Variants in PTPRN2 observed in about 807,000 individuals in gnomAD.
PTPRN2 encodes the protein receptor-type tyrosine-protein phosphatase N2.
PTPRN2 carries 74 observed loss-of-function variants against 118.8 expected under a neutral mutation model. That is an observed-to-expected ratio of 0.62 (90% CI 0.52 to 0.76). The LOEUF (loss-of-function observed/expected upper bound fraction) is 0.76. Among genes scored for constraint, PTPRN2 ranks in the 30% least tolerant of loss-of-function variants. The probability of loss-of-function intolerance (pLI) is 0.00; values close to 1 mark genes in which losing one functional copy is unlikely to be tolerated. For synonymous variants in PTPRN2, 641 were observed against 608.0 expected, an observed-to-expected ratio of 1.05 and a Z score of -0.80; for missense variants, 1,481 against 1,394.4, an observed-to-expected ratio of 1.06 and a Z score of -0.99.
chr7:158,116,493 C>T (rs1174855130), intron 9 of PTPRN2, among the ~76,000 whole-genome samples: 1 of 152,232 alleles, frequency 6.6e-6, no homozygotes, highest in Non-Finnish European at 1.5e-5. Context: ...AGCCCTGTGG[C>T]AAGCAGCTGT....
At chr7:157,573,574 C>A (rs986358419) in intron 19 of PTPRN2, among the ~76,000 whole-genome samples, 2 of 152,242 alleles carry the variant, frequency 1.3e-5, no homozygotes, top group African/African-American at 4.8e-5. Context: ...AAACCAGATA[C>A]CCTTTAAGAA....
intron 4 of PTPRN2, among the ~76,000 whole-genome samples, chr7:158,199,827 G>A (rs1240909880): frequency 6.6e-6 from 1 of 152,148 alleles, no homozygotes; most frequent in Non-Finnish European, 1.5e-5. Context: ...GGGGAGCCTG[G>A]TTAGAAGCAG....
At chr7:158,250,575 TC>T (rs567086460) in intron 3 of PTPRN2, among the ~76,000 whole-genome samples, 7 of 150,872 alleles carry the variant, frequency 4.6e-5, no homozygotes, top group African/African-American at 1.2e-4. Context: ...TACACACACA[TC>T]CCCCCCACAT....
At chr7:158,490,073 T>C (rs1442388175) in intron 1 of PTPRN2, among the ~76,000 whole-genome samples, 1 of 152,144 alleles carries the variant, frequency 6.6e-6, no homozygotes, top group African/African-American at 2.4e-5. Flanking sequence ...GGAGACTCTC[T>C]GGCCGCGGGA....
At chr7:157,830,155 G>T (rs1478113387) in intron 12 of PTPRN2, among the ~76,000 whole-genome samples, 1 of 151,896 alleles carries the variant, frequency 6.6e-6, no homozygotes, top group Non-Finnish European at 1.5e-5. Context: ...GAAAGGAGGG[G>T]CTGGCTTCTC....
chr7:157,878,308 C>T (rs549019491), intron 12 of PTPRN2, among the ~76,000 whole-genome samples: 136 of 151,530 alleles, frequency 9.0e-4, no homozygotes, highest in Middle Eastern at 6.8e-3. Context: ...CACTTACTCA[C>T]CGAGGAGCTC....
At chr7:158,337,520 A>C (rs1424328587) in intron 2 of PTPRN2, among the ~76,000 whole-genome samples, 2 of 151,086 alleles carry the variant, frequency 1.3e-5, no homozygotes, top group African/African-American at 2.4e-5. Context: ...CACTCTCACC[A>C]TAAGAGGTGA....
chr7:158,375,777 G>A (rs1053694614), intron 2 of PTPRN2, among the ~76,000 whole-genome samples: 23 of 152,034 alleles, frequency 1.5e-4, no homozygotes, highest in East Asian at 3.9e-4. Flanking sequence ...GAGAAGGAGC[G>A]TGTGAATGTC....
chr7:157,721,520 T>C (rs574240745), intron 12 of PTPRN2, among the ~76,000 whole-genome samples: 1 of 152,298 alleles, frequency 6.6e-6, no homozygotes, highest in South Asian at 2.1e-4. Context: ...CTCCTGACTG[T>C]CAGCCGAGCC....
Position 158,308,257 on chromosome 7 carries a change from G to C in PTPRN2, c.277+8562C>G, listed in dbSNP as rs535126605. Among the ~76,000 whole-genome samples, 3 of 152,002 alleles carry C rather than the reference G, an allele frequency of 2.0e-5. No individual in the cohort carries two copies. In the South Asian group the frequency reaches 6.2e-4, roughly 32 times the overall value. On this transcript the variant is annotated intron_variant, in intron 3 of 22. Coordinates refer to ENST00000389418, the MANE Select transcript of PTPRN2 (RefSeq NM_002847.5). The stretch of plus-strand genomic sequence containing the variant: ...CCAAGAATTCTATATTCAGAAAATC[G>C]ATCCTTCAAAACTAAAGGAGAAATC...
At chr7:157,696,621 T>A (rs1204116539) in intron 12 of PTPRN2, among the ~76,000 whole-genome samples, 1 of 146,280 alleles carries the variant, frequency 6.8e-6, no homozygotes, top group Non-Finnish European at 1.5e-5. Context: ...CCTCACCATC[T>A]ACCCATGCAT....
intron 12 of PTPRN2, among the ~76,000 whole-genome samples, chr7:157,883,467 AC>A (rs1648112045): frequency 6.7e-6 from 1 of 149,086 alleles, no homozygotes; most frequent in African/African-American, 2.5e-5. Context: ...GGAATGCACC[AC>A]CCCAAAAATG....
intron 21 of PTPRN2, among the ~76,000 whole-genome samples, chr7:157,565,102 T>C (rs1249391997): frequency 2.0e-5 from 3 of 152,228 alleles, no homozygotes; most frequent in Admixed American, 6.5e-5. Context: ...GCGTAGTATA[T>C]TCAGATTCGC....
At chr7:158,006,592 T>C (rs1185617858) in intron 11 of PTPRN2, among the ~76,000 whole-genome samples, 1 of 152,196 alleles carries the variant, frequency 6.6e-6, no homozygotes, top group Non-Finnish European at 1.5e-5. Flanking sequence ...CACAACCTCA[T>C]TTCTTTGCAG....
At chr7:158,071,769 A>ATGGAGGTGCTCGTGGTGG (rs1811843685) in intron 11 of PTPRN2, among the ~76,000 whole-genome samples, 3 of 44,796 alleles carry the variant, frequency 6.7e-5, no homozygotes, top group African/African-American at 3.3e-4. Flanking sequence ...GCTCGTGGTG[A>ATGGAGGTGCTCGTGGTGG]TGGAGGTGCT....
intron 1 of PTPRN2, among the ~76,000 whole-genome samples, chr7:158,506,603 A>G (rs905932824): frequency 2.0e-5 from 3 of 151,854 alleles, no homozygotes; most frequent in Admixed American, 6.5e-5. Flanking sequence ...CGGGGTCTAC[A>G]GGAGCCCCAT....
intron 6 of PTPRN2, among the ~76,000 whole-genome samples, chr7:158,149,147 T>C (rs371525657): frequency 1.6e-5 from 2 of 128,150 alleles, no homozygotes; most frequent in African/African-American, 2.9e-5. Context: ...GCCACGTGTC[T>C]TTCCCCCTCA....
At chr7:158,389,979 G>A (rs1811801253) in intron 2 of PTPRN2, among the ~76,000 whole-genome samples, 1 of 152,216 alleles carries the variant, frequency 6.6e-6, no homozygotes, top group African/African-American at 2.4e-5. Flanking sequence ...CATCCACCTC[G>A]GATGACTCTG....
chr7:157,966,499 C>CATCACAATGATCACT (rs1801941102), intron 11 of PTPRN2, among the ~76,000 whole-genome samples: 2 of 151,958 alleles, frequency 1.3e-5, no homozygotes, highest in African/African-American at 4.8e-5. Context: ...CCATTATCAC[C>CATCACAATGATCACT]ATCATCACCA....
Sources: gnomAD v4.1 joint callset for allele counts (sites outside exome capture counted in the v4.1 genomes callset) on GRCh38, gnomAD v4.1.1 for gene constraint, MANE v1.5 for transcripts, NCBI Gene and HGNC (gene_info 2026-07-23, HGNC 2026-07-21) for gene names.